PARD3B: variants seen among roughly 807,000 people sequenced by gnomAD.
PARD3B encodes the protein par-3 family cell polarity regulator beta, also known as partitioning defective 3 homolog B.
Under a neutral mutation model 130.2 loss-of-function variants are expected in PARD3B, and 103 were observed. That is an observed-to-expected ratio of 0.79 (90% confidence interval 0.67 to 0.93). The LOEUF (loss-of-function observed/expected upper bound fraction) is 0.93, where lower values mean the gene tolerates loss of function less well. Ranked by LOEUF, PARD3B falls within the 40% of genes least tolerant of loss-of-function variation. The pLI is 0.00. For missense variants in PARD3B, 1,609 were observed against 1,499.2 expected (o/e 1.07, Z -1.21); for synonymous variants, 583 against 553.2 (o/e 1.05, Z -0.76).
intron 2 of PARD3B, among the ~76,000 whole-genome samples, chr2:204,949,707 A>G (rs1164096920): frequency 1.3e-5 from 2 of 152,228 alleles, no homozygotes; most frequent in Non-Finnish European, 2.9e-5. Context: ...ATTTAAAACT[A>G]CATTTTATAA....
chr2:204,807,229 A>G (rs1329038457), intron 2 of PARD3B, among the ~76,000 whole-genome samples: 3 of 152,160 alleles, frequency 2.0e-5, no homozygotes, highest in Non-Finnish European at 4.4e-5. Context: ...ACAATTCAAG[A>G]TGAGATTTGC....
At chr2:205,553,512 T>G (rs1009409441) in intron 22 of PARD3B, 109 bp downstream of exon 22, 1 of 1,111,664 alleles carries the variant, frequency 9.0e-7, no homozygotes, top group African/African-American at 1.5e-5. Context: ...ATGTTATAAT[T>G]TTGCCTTGCT....
intron 21 of PARD3B, among the ~76,000 whole-genome samples, chr2:205,542,552 T>G (rs978471084): frequency 6.6e-6 from 1 of 152,206 alleles, no homozygotes; most frequent in African/African-American, 2.4e-5. Context: ...ATAACTTGGT[T>G]AATATAAATT....
Position 204,907,496 on chromosome 2 carries a change from A to G in PARD3B, c.223-57656A>G, listed in dbSNP as rs1390173600. On this transcript the variant is annotated intron_variant, in intron 2 of 22. Transcript: ENST00000406610. The surrounding 1 kb of genome is among the most constrained non-coding windows in gnomAD (Gnocchi z 5.7). ...TGGAGCCCCCTGCTACTAATGCAGA[A>G]TAAATTATTCTTTTCAGGGAATTTC... Among the ~76,000 whole-genome samples the G allele has an allele frequency of 6.6e-6, 1 of 152,198 alleles. No individual in the cohort carries two copies. The highest frequency in any genetic ancestry group is 1.5e-5 in the Non-Finnish European group (1 of 68,034).
At chr2:204,733,953 C>G (rs1386981665) in intron 2 of PARD3B, among the ~76,000 whole-genome samples, 1 of 152,080 alleles carries the variant, frequency 6.6e-6, no homozygotes, top group African/African-American at 2.4e-5. Flanking sequence ...TTACATACAG[C>G]ATACCTGAAC....
chr2:205,029,964 C>T (rs890476758), intron 3 of PARD3B, among the ~76,000 whole-genome samples: 4 of 152,112 alleles, frequency 2.6e-5, no homozygotes, highest in South Asian at 2.1e-4. Context: ...CTATTTTTCC[C>T]GCCAAACTCT....
intron 15 of PARD3B, among the ~76,000 whole-genome samples, chr2:205,202,257 A>G (rs1187463698): frequency 1.3e-5 from 2 of 152,242 alleles, no homozygotes; most frequent in Non-Finnish European, 2.9e-5. Flanking sequence ...ATGTAGCGGA[A>G]TAAGGCAGAT....
At chr2:204,775,466 C>T (rs535348491) in intron 2 of PARD3B, among the ~76,000 whole-genome samples, 1 of 152,204 alleles carries the variant, frequency 6.6e-6, no homozygotes, top group East Asian at 1.9e-4. Context: ...CCTCTTAATC[C>T]TATTTTGAGT....
intron 2 of PARD3B, among the ~76,000 whole-genome samples, chr2:204,810,308 T>A (rs750529052): frequency 6.6e-6 from 1 of 152,176 alleles, no homozygotes; most frequent in Non-Finnish European, 1.5e-5. Flanking sequence ...AGATAGGGCA[T>A]TCTTGTCTTG....
chr2:205,083,883 A>G (rs1186487357), intron 4 of PARD3B, among the ~76,000 whole-genome samples: 2 of 152,128 alleles, frequency 1.3e-5, no homozygotes, highest in African/African-American at 2.4e-5. Flanking sequence ...ACACATTGCC[A>G]TCTTGTTTAT....
At chr2:205,018,185 C>A (rs941561533) in intron 3 of PARD3B, among the ~76,000 whole-genome samples, 1 of 152,018 alleles carries the variant, frequency 6.6e-6, no homozygotes. Context: ...CCATGTAATA[C>A]TCAGATCATT....
rs538664817 is a variant in PARD3B, at chr2:205,431,617, C to G, written c.2742-8753C>G. On this transcript the variant is annotated intron_variant, in intron 19 of 22. Coordinates refer to ENST00000406610, the MANE Select transcript of PARD3B (RefSeq NM_001302769.2). ...CCCGAGTAGCTGGGACTATAGGCGT[C>G]TACCACCACGCTCAGCTAATTTTTT... 2.0e-5 allele frequency among the ~76,000 whole-genome samples: 3 copies of G among 151,808 alleles called. No individual in the cohort carries two copies. The South Asian group carries it at 6.2e-4, about 32-fold the overall frequency.
chr2:205,423,219 C>A (rs559575428), intron 19 of PARD3B, among the ~76,000 whole-genome samples: 3 of 152,250 alleles, frequency 2.0e-5, no homozygotes, highest in Admixed American at 2.0e-4. Context: ...GTTGGCCCAG[C>A]CAGTGCTGTG....
chr2:205,335,709 G>T (rs540263624), intron 18 of PARD3B, among the ~76,000 whole-genome samples: 1 of 152,242 alleles, frequency 6.6e-6, no homozygotes, highest in African/African-American at 2.4e-5. Flanking sequence ...AATCATGGCA[G>T]AAGGCAAGGA....
rs972919593 is a variant in PARD3B at position 205,530,174 on chromosome 2, C to T, written c.3181-23150C>T. On this transcript the variant is annotated intron_variant, in intron 21 of 22. Transcript: ENST00000406610. This position sits in a 1 kb window ranked among gnomAD's most constrained non-coding sequence, Gnocchi z 4.7. ...CACATCTAACCTTACAGCTGCAACT[C>T]GTGAAATAGTAAACCAAAAGTTCTC... is the stretch of plus-strand genomic sequence containing the variant. Among the ~76,000 whole-genome samples the T allele has an allele frequency of 2.0e-5, 3 of 152,140 alleles. No individual in the cohort carries two copies. The highest frequency in any genetic ancestry group is 7.2e-5 in the African/African-American group (3 of 41,416).
At chr2:205,567,613 C>T (rs914461331) in intron 22 of PARD3B, among the ~76,000 whole-genome samples, 2 of 151,572 alleles carry the variant, frequency 1.3e-5, no homozygotes, top group South Asian at 4.2e-4. Flanking sequence ...TGAGCCACCG[C>T]GCCCGGCCTG....
chr2:204,571,838 A>T (rs891484508), intron 1 of PARD3B, among the ~76,000 whole-genome samples: 1 of 152,222 alleles, frequency 6.6e-6, no homozygotes, highest in Non-Finnish European at 1.5e-5. Flanking sequence ...ATTAATAAAG[A>T]TGTAAGTCTA....
At chr2:205,199,175 T>C (rs1161822753) in intron 15 of PARD3B, among the ~76,000 whole-genome samples, 1 of 152,138 alleles carries the variant, frequency 6.6e-6, no homozygotes, top group African/African-American at 2.4e-5. Context: ...GGGAAGTGCA[T>C]TAAACACTGG....
chr2:204,951,896 A>G (rs1276495936), intron 2 of PARD3B, among the ~76,000 whole-genome samples: 1 of 152,220 alleles, frequency 6.6e-6, no homozygotes, highest in African/African-American at 2.4e-5. Context: ...TTAACCTGTC[A>G]CTGTCACTGG....
Sources: gnomAD v4.1 joint callset for allele counts (sites outside exome capture counted in the v4.1 genomes callset) on GRCh38, gnomAD v4.1.1 for gene constraint, Gnocchi (gnomAD v3.1) non-coding constraint, MANE v1.5 for transcripts, NCBI Gene and HGNC (gene_info 2026-07-23, HGNC 2026-07-21) for gene names.